Variants in CDK18 observed in about 807,000 individuals in gnomAD.
CDK18 encodes the protein cyclin-dependent kinase 18.
A neutral mutation model predicts 62.0 loss-of-function variants in CDK18; 52 were observed. The ratio of observed to expected loss-of-function variants is 0.84; its 90% CI spans 0.67 to 1.06. The LOEUF (loss-of-function observed/expected upper bound fraction) is 1.06. CDK18 is among the 50% of genes least tolerant of loss of function. The pLI, the probability that CDK18 is intolerant of heterozygous loss-of-function variation, is 0.00. For synonymous variants in CDK18, 237 were observed against 247.0 expected (o/e 0.96, Z 0.38); for missense variants, 604 against 619.9 (o/e 0.97, Z 0.27).
At chr1:205,524,120 T>A in intron 3 of CDK18, 112 bp from the exon 4 acceptor site, 1 of 1,298,298 alleles carries the variant, frequency 7.7e-7, no homozygotes, top group Non-Finnish European at 1.1e-6. Context: ...GATTGGGCTC[T>A]GAATGGTTGT....
intron 5 of CDK18, 48 bp from the exon 6 acceptor site, chr1:205,526,017 C>T: frequency 7.1e-7 from 1 of 1,404,240 alleles, no homozygotes; most frequent in Non-Finnish European, 9.9e-7. Flanking sequence ...TGGACAGAGG[C>T]CAGCAGCACC....
Position 205,506,599 on chromosome 1 carries a change from G to A in CDK18, c.-22+1803G>A, listed in dbSNP as rs893925217. 3.3e-5 allele frequency among the ~76,000 whole-genome samples: 5 copies of A among 152,322 alleles called. No homozygotes were observed. The East Asian group carries it at 9.6e-4, about 29-fold the overall frequency. On this transcript the variant is annotated intron_variant, in intron 1 of 15. Coordinates refer to ENST00000429964, the MANE Select transcript of CDK18 (RefSeq NM_212502.3). Reference sequence around the variant, plus strand: ...TTATCATCCCCATTTTACAGGTGAAGAAACTGAGTCTCTGAGAGACCAACT... The same window carrying A: ...TTATCATCCCCATTTTACAGGTGAAAAAACTGAGTCTCTGAGAGACCAACT...
chr1:205,526,749 G>A (rs1200249559), intron 7 of CDK18, 26 bp from the exon 8 acceptor site: 1 of 1,606,518 alleles, frequency 6.2e-7, no homozygotes, highest in African/African-American at 1.3e-5. Flanking sequence ...GCGTGGGGCA[G>A]GACTGAGCCA....
intron 1 of CDK18, among the ~76,000 whole-genome samples, chr1:205,505,179 C>G (rs1438496919): frequency 6.6e-6 from 1 of 152,132 alleles, no homozygotes; most frequent in East Asian, 1.9e-4. Context: ...CCACCCAGTC[C>G]GGAACCAGGC....
chr1:205,506,414 G>T (rs1667308174), intron 1 of CDK18, among the ~76,000 whole-genome samples: 1 of 152,028 alleles, frequency 6.6e-6, no homozygotes, highest in Non-Finnish European at 1.5e-5. Context: ...CCCATACCCT[G>T]CCAGGAGAAT....
chr1:205,526,678 G>A, intron 7 of CDK18, 97 bp from the exon 8 acceptor site: 1 of 1,232,888 alleles, frequency 8.1e-7, no homozygotes. Flanking sequence ...GTGGGCGTGG[G>A]CCCTTCCCAG....
chr1:205,526,842 G>A lies in CDK18; in HGVS notation c.729+5G>A. The A allele has an allele frequency of 1.2e-6, 2 of 1,612,458 alleles. No individual in the cohort carries two copies. The highest frequency in any genetic ancestry group is 1.7e-6 in the Non-Finnish European group (2 of 1,178,466). On this transcript the variant is annotated splice_donor_5th_base_variant and intron_variant, in intron 8 of 15. Transcript: ENST00000429964. ...ATGAGCATGCACAACGTCAAGGTGA[G>A]GCCTCGGGGGCAGGGTCCCCCCATC...
intron 7 of CDK18, 65 bp downstream of exon 7, chr1:205,526,526 A>T: frequency 7.5e-7 from 1 of 1,330,816 alleles, no homozygotes; most frequent in African/African-American, 1.4e-5. Context: ...TGGGTAGGGG[A>T]GTGGGAAGCT....
At chr1:205,525,098 A>C in intron 4 of CDK18, 41 bp from the exon 5 acceptor site, 1 of 1,485,240 alleles carries the variant, frequency 6.7e-7, no homozygotes, top group Non-Finnish European at 9.4e-7. Context: ...GGAGCTGCTA[A>C]GGGCTTCAAG....
At position 205,527,034 on chromosome 1, in the gene CDK18, C is replaced by T; in HGVS notation, c.729+197C>T. 3.4e-6 allele frequency: 2 copies of T among 588,558 alleles called. No homozygotes were observed. The highest frequency in any genetic ancestry group is 4.2e-5 in the South Asian group (2 of 47,218). The allele number at this position is 588,558 out of a possible 1,614,324, so 36.5% of individuals were successfully genotyped here. ...GCTTTACCCCAAGAACAGACACACA[C>T]TGTCTGCCACTGTCTAGCTGTTGGT... On this transcript the variant is annotated intron_variant, in intron 8 of 15. Transcript: ENST00000429964. This position sits in a 1 kb window ranked among gnomAD's most constrained non-coding sequence, Gnocchi z 4.1.
In CDK18 at chr1:205,523,417, G is replaced by C. The variant is rs756011675; in HGVS notation, c.131-66G>C. ...GGGGAGGAGCACAGCGCTGGGGGAG[G>C]GGGGCTACCCTTCTCTCCCTCAGGA... On this transcript the variant is annotated intron_variant, in intron 2 of 15. Coordinates refer to ENST00000429964, the MANE Select transcript of CDK18 (RefSeq NM_212502.3). 8.1e-6 allele frequency: 13 copies of C among 1,598,304 alleles called. No homozygotes were observed. The African/African-American group carries it at 1.1e-4, about 13-fold the overall frequency.
At position 205,529,064 on chromosome 1, in the gene CDK18, A is replaced by AG; in HGVS notation, c.1042dup (p.Glu348GlyfsTer26). Reference sequence around the variant, plus strand: ...CCCCTCTTCCCGGGCTCCACAGTCAAGGAGGAGCTGCACCTCATCTTTCGC... The same window carrying AG: ...CCCCTCTTCCCGGGCTCCACAGTCAAGGGAGGAGCTGCACCTCATCTTTCGC... On this transcript the variant is annotated frameshift_variant, in exon 11 of 16. Coordinates refer to ENST00000429964, the MANE Select transcript of CDK18 (RefSeq NM_212502.3). LOFTEE classifies it high-confidence loss of function. The AG allele has an allele frequency of 6.3e-7, 1 of 1,593,576 alleles. No homozygotes were observed. The highest frequency in any genetic ancestry group is 8.5e-7 in the Non-Finnish European group (1 of 1,170,454).
In CDK18 at chr1:205,515,304, G is replaced by A. The variant is rs1226998801; in HGVS notation, c.-21-7843G>A. 3.3e-5 allele frequency among the ~76,000 whole-genome samples: 5 copies of A among 150,008 alleles called. No individual in the cohort carries two copies. In the Admixed American group the frequency reaches 3.4e-4, roughly 10 times the overall value. On this transcript the variant is annotated intron_variant, in intron 1 of 15. Coordinates refer to ENST00000429964, the MANE Select transcript of CDK18 (RefSeq NM_212502.3). ...CGATACTCCTGCCTCAGCCTCCCAA[G>A]TAGCTGAGATTACAGGCGTGTGCCA... is the stretch of plus-strand genomic sequence containing the variant.
Position 205,529,557 on chromosome 1 carries a change from G to A in CDK18, c.1215G>A (p.Leu405=). The change falls in exon 13 of 16, where the codon CTG becomes CTA. Residue 405 remains leucine, a synonymous_variant. Coordinates refer to ENST00000429964, the MANE Select transcript of CDK18 (RefSeq NM_212502.3). Reference sequence around the variant, plus strand: ...ATGGCATCCACCTCCTGAGCAGCCTGCTCCTGGTGAGTGTCCTCCCGGCGG... The same window carrying A: ...ATGGCATCCACCTCCTGAGCAGCCTACTCCTGGTGAGTGTCCTCCCGGCGG... The part of the protein sequence containing the change: ...DTDGIHLLSS[L]LLYESKSRMS... The A allele has an allele frequency of 6.2e-7, 1 of 1,613,558 alleles. No homozygotes were observed. The highest frequency in any genetic ancestry group is 8.5e-7 in the Non-Finnish European group (1 of 1,179,846).
In CDK18 at chr1:205,528,018, A is replaced by G; in HGVS notation, c.854-30A>G. The G allele has an allele frequency of 1.9e-6, 3 of 1,613,992 alleles. No homozygotes were observed. Among genetic ancestry groups the G allele is most frequent in the Non-Finnish European group, 2.5e-6 (3 of 1,179,918 alleles). On this transcript the variant is annotated intron_variant, in intron 9 of 15. Coordinates refer to ENST00000429964, the MANE Select transcript of CDK18 (RefSeq NM_212502.3). The surrounding 1 kb of genome is among the most constrained non-coding windows in gnomAD (Gnocchi z 4.2). ...GCAGTCAACCCCACAGCACCTGTGG[A>G]CAGAGGTCCAGTGACATGTCTGCCC...
intron 14 of CDK18, 106 bp downstream of exon 14, chr1:205,530,455 C>A: frequency 7.8e-7 from 1 of 1,289,482 alleles, no homozygotes; most frequent in Non-Finnish European, 1.1e-6. Flanking sequence ...CCAGCCCCAG[C>A]AGAGCAGCCC....
chr1:205,525,268 C>A (rs916700073), intron 5 of CDK18, 73 bp downstream of exon 5: 2 of 1,128,544 alleles, frequency 1.8e-6, no homozygotes, highest in African/African-American at 1.5e-5. Context: ...CCTCCCTAGT[C>A]GGCCCTCTCT....
chr1:205,520,848 T>C (rs1668086259), intron 1 of CDK18, among the ~76,000 whole-genome samples: 1 of 152,150 alleles, frequency 6.6e-6, no homozygotes, highest in African/African-American at 2.4e-5. Flanking sequence ...CCTGCCACCA[T>C]CATGAAGCCT....
intron 1 of CDK18, among the ~76,000 whole-genome samples, chr1:205,514,199 G>A (rs1667708476): frequency 1.3e-5 from 2 of 152,228 alleles, no homozygotes; most frequent in African/African-American, 4.8e-5. Flanking sequence ...ACAGAAGAGG[G>A]ACCATCACCT....
Sources: gnomAD v4.1 joint callset for allele counts (sites outside exome capture counted in the v4.1 genomes callset) on GRCh38, gnomAD v4.1.1 for gene constraint, Gnocchi (gnomAD v3.1) non-coding constraint, MANE v1.5 for transcripts, NCBI Gene and HGNC (gene_info 2026-07-23, HGNC 2026-07-21) for gene names.